TREH: variants seen among roughly 807,000 people sequenced by gnomAD.
The protein encoded by TREH is trehalase, also known as alpha,alpha-trehalose glucohydrolase.
Under a neutral mutation model 80.5 loss-of-function variants are expected in TREH, and 69 were observed. The ratio of observed to expected loss-of-function variants is 0.86; its 90% CI spans 0.71 to 1.05. The LOEUF is 1.05. Among genes scored for constraint, TREH ranks in the 50% least tolerant of loss-of-function variants. The pLI, the probability that TREH is intolerant of heterozygous loss-of-function variation, is 0.00. For missense variants in TREH, 716 were observed against 718.8 expected (o/e 1.00, Z 0.04); for synonymous variants, 309 against 293.5 (o/e 1.05, Z -0.54).
chr11:118,678,629 G>A (rs1177597667), intron 1 of TREH, among the ~76,000 whole-genome samples: 2 of 151,016 alleles, frequency 1.3e-5, no homozygotes, highest in Non-Finnish European at 2.9e-5. Context: ...CTCCCAAAGT[G>A]CTGGGATTAC....
Position 118,659,027 on chromosome 11 carries a change from A to AT in TREH, c.1433-11dup. On this transcript the variant is annotated splice_polypyrimidine_tract_variant and intron_variant, in intron 12 of 14. Coordinates refer to ENST00000264029, the MANE Select transcript of TREH (RefSeq NM_007180.3). The stretch of plus-strand genomic sequence containing the variant: ...GGTGCCTTGGCCAGGCCTAGACCCC[A>AT]TTGCAGGCAGGACTCAACCTCCAGG... 1 of 1,613,106 alleles carries AT rather than the reference A, an allele frequency of 6.2e-7. No individual in the cohort carries two copies. The highest frequency in any genetic ancestry group is 8.5e-7 in the Non-Finnish European group (1 of 1,179,430).
At chr11:118,670,945 T>C (rs1167344537) in intron 1 of TREH, among the ~76,000 whole-genome samples, 1 of 152,250 alleles carries the variant, frequency 6.6e-6, no homozygotes, top group Non-Finnish European at 1.5e-5. Flanking sequence ...TATTCCCAGC[T>C]ACTACACCTC....
chr11:118,661,135 AG>A lies in TREH; in HGVS notation c.857+24del, dbSNP rs574449391. 8.2e-5 allele frequency: 133 copies of A among 1,613,378 alleles called. No homozygotes were observed. Among genetic ancestry groups the A allele is most frequent in the Non-Finnish European group, 1.1e-4 (130 of 1,179,786 alleles). On this transcript the variant is annotated intron_variant, in intron 8 of 14. Coordinates refer to ENST00000264029, the MANE Select transcript of TREH (RefSeq NM_007180.3). The surrounding 1 kb of genome is among the most constrained non-coding windows in gnomAD (Gnocchi z 4.2). ...ACCAGAGTGAGCAGGTAAGAGATTG[AG>A]GGGTGGGCTGCCCAGTTCCTCACCT...
intron 1 of TREH, among the ~76,000 whole-genome samples, chr11:118,667,870 A>T (rs572094291): frequency 2.8e-4 from 41 of 147,478 alleles, no homozygotes; most frequent in African/African-American, 8.7e-4. Context: ...TCCCTAACAA[A>T]TTTTTTTTTT....
chr11:118,660,755 C>T, intron 9 of TREH, 22 bp from the exon 10 acceptor site: 1 of 1,556,220 alleles, frequency 6.4e-7, no homozygotes, highest in African/African-American at 1.4e-5. Context: ...GAGCAGGGAA[C>T]CAGCCAGTCC....
At position 118,674,460 on chromosome 11, in the gene TREH, A is replaced by G. The variant is rs1310508349; in HGVS notation, c.89+5079T>C. On this transcript the variant is annotated intron_variant, in intron 1 of 14. Coordinates refer to ENST00000264029, the MANE Select transcript of TREH (RefSeq NM_007180.3). This position sits in a 1 kb window ranked among gnomAD's most constrained non-coding sequence, Gnocchi z 4.4. ...GAAATATTTCCTGGTCAGATACAAT[A>G]TCCATCCCTGTAATACATTCAGGTA... Among the ~76,000 whole-genome samples the G allele has an allele frequency of 5.3e-5, 8 of 152,362 alleles. No individual in the cohort carries two copies. The highest frequency in any genetic ancestry group is 8.8e-5 in the Non-Finnish European group (6 of 68,034).
chr11:118,679,457 A>C, intron 1 of TREH, 82 bp downstream of exon 1: 1 of 1,359,142 alleles, frequency 7.4e-7, no homozygotes, highest in Non-Finnish European at 9.6e-7. Flanking sequence ...TTCCCTCTGA[A>C]GTACCGACCC....
intron 1 of TREH, among the ~76,000 whole-genome samples, chr11:118,672,997 C>T (rs1419901183): frequency 5.3e-5 from 8 of 152,092 alleles, no homozygotes; most frequent in African/African-American, 1.7e-4. Context: ...CTTTAACTTC[C>T]AGAAAAGCAG....
Position 118,661,539 on chromosome 11 carries a change from C to T in TREH, c.618-30G>A. 6.2e-7 allele frequency: 1 copy of T among 1,612,330 alleles called. No individual in the cohort carries two copies. Among genetic ancestry groups the T allele is most frequent in the Non-Finnish European group, 8.5e-7 (1 of 1,178,888 alleles). ...CAAGGGGAAGGCCTGCTGAGATGCC[C>T]TCTCCCCAGCAACTGGCACCAAGGC... is the stretch of plus-strand genomic sequence containing the variant. On this transcript the variant is annotated intron_variant, in intron 6 of 14. Transcript: ENST00000264029. This position sits in a 1 kb window ranked among gnomAD's most constrained non-coding sequence, Gnocchi z 4.2.
chr11:118,675,183 AG>A (rs1219617617), intron 1 of TREH, among the ~76,000 whole-genome samples: 1 of 152,156 alleles, frequency 6.6e-6, no homozygotes, highest in African/African-American at 2.4e-5. Context: ...CGAGAATGAA[AG>A]GTTTCTCATC....
At chr11:118,665,969 G>A (rs575169134) in intron 1 of TREH, among the ~76,000 whole-genome samples, 2 of 152,344 alleles carry the variant, frequency 1.3e-5, no homozygotes, top group African/African-American at 4.8e-5. Flanking sequence ...CGGGCGCGGT[G>A]GCTCACGCCT....
rs189738029 is a variant in TREH at position 118,661,824 on chromosome 11, G to A, written c.524+66C>T. The A allele has an allele frequency of 1.9e-4, 298 of 1,587,108 alleles. 1 individual carries two copies. The highest frequency in any genetic ancestry group is 2.4e-4 in the Non-Finnish European group (281 of 1,163,034). On this transcript the variant is annotated intron_variant, in intron 5 of 14. Transcript: ENST00000264029. The surrounding 1 kb of genome is among the most constrained non-coding windows in gnomAD (Gnocchi z 4.2). ...TCTGCCCTGCTGAAGACACCCTGCT[G>A]GCCCTGGGTTTCTCCACCACTGCCA...
chr11:118,664,740 G>C (rs1377230601), intron 1 of TREH, among the ~76,000 whole-genome samples: 3 of 152,170 alleles, frequency 2.0e-5, no homozygotes, highest in Admixed American at 6.5e-5. Flanking sequence ...AATTGGAAAA[G>C]AGAGTCGAAA....
chr11:118,663,212 C>A lies in TREH; in HGVS notation c.191-16G>T. 1.3e-6 allele frequency: 2 copies of A among 1,590,820 alleles called. No individual in the cohort carries two copies. Among genetic ancestry groups the A allele is most frequent in the South Asian group, 1.1e-5 (1 of 88,540 alleles). ...AGGACTTGTTCTGGAGAGCAGGCAG[C>A]AGGGAGGGGTCAGCAGGGTGTCACA... On this transcript the variant is annotated splice_polypyrimidine_tract_variant and intron_variant, in intron 2 of 14. Transcript: ENST00000264029.
intron 1 of TREH, among the ~76,000 whole-genome samples, chr11:118,675,926 T>C (rs145096828): frequency 0.01 from 1,595 of 152,268 alleles, 26 homozygotes; most frequent in African/African-American, 0.035. Context: ...TGCTCTCAAA[T>C]GCCTGGCCTC....
intron 1 of TREH, among the ~76,000 whole-genome samples, chr11:118,672,924 G>A (rs1281766270): frequency 3.9e-5 from 6 of 152,020 alleles, no homozygotes; most frequent in Admixed American, 1.3e-4. Flanking sequence ...AGGGAAAAAA[G>A]AAAATGGTAT....
In TREH at chr11:118,660,662, G is replaced by T; in HGVS notation, c.979C>A (p.Leu327Ile). The T allele has an allele frequency of 6.2e-7, 1 of 1,605,354 alleles. No individual in the cohort carries two copies. The highest frequency in any genetic ancestry group is 8.5e-7 in the Non-Finnish European group (1 of 1,175,898). ...GAGTTGGGGTTTGGGCCTCCAATGA[G>T]CCAGCGTGAAGAGAAGTCCCAGCCA... ...ESGWDFSSRW[L>I]IGGPNPNSLS... Residue 327 changes from leucine to isoleucine, a missense_variant, in exon 10 of 15, where the codon CTC (leucine) becomes ATC (isoleucine). By Grantham distance (5) the Leu-to-Ile change is conservative (BLOSUM62 2). Transcript: ENST00000264029.
At chr11:118,662,687 T>G in intron 4 of TREH, 194 bp downstream of exon 4, 1 of 609,130 alleles carries the variant, frequency 1.6e-6, no homozygotes. Context: ...GGAGGCGAGA[T>G]GTTAGAAGTA....
chr11:118,670,278 A>G (rs1270916245), intron 1 of TREH, among the ~76,000 whole-genome samples: 9 of 152,140 alleles, frequency 5.9e-5, no homozygotes, highest in Non-Finnish European at 8.8e-5. Context: ...AATACCAAAG[A>G]CACACCTATC....
Sources: gnomAD v4.1 joint callset for allele counts (sites outside exome capture counted in the v4.1 genomes callset) on GRCh38, gnomAD v4.1.1 for gene constraint, Gnocchi (gnomAD v3.1) non-coding constraint, MANE v1.5 for transcripts, NCBI Gene and HGNC (gene_info 2026-07-23, HGNC 2026-07-21) for gene names.